The following HEMK2 variants were observed in gnomAD, a reference collection of about 807,000 sequenced individuals.
HEMK2 encodes methyltransferase HEMK2.
the HEMK2 span, among the ~76,000 whole-genome samples, chr21:28,707,133 T>C: frequency 6.6e-6 from 1 of 152,306 alleles, no homozygotes; most frequent in South Asian, 2.1e-4. Context: ...ACATTGAGAA[T>C]GTTTAAATAT....
the HEMK2 span, among the ~76,000 whole-genome samples, chr21:28,638,736 C>T: frequency 6.6e-6 from 1 of 152,150 alleles, no homozygotes; most frequent in Non-Finnish European, 1.5e-5. Flanking sequence ...ATGATCCAGG[C>T]TGGCCTCACG....
chr21:28,780,163 TAGA>T, the HEMK2 span, among the ~76,000 whole-genome samples: 22 of 152,068 alleles, frequency 1.4e-4, no homozygotes, highest in East Asian at 4.3e-3. Context: ...TGGGTGACTT[TAGA>T]AGACTGACCT....
the HEMK2 span, among the ~76,000 whole-genome samples, chr21:28,819,012 TCTTTACCA>T: frequency 6.6e-6 from 1 of 152,222 alleles, no homozygotes; most frequent in Non-Finnish European, 1.5e-5. Context: ...ACATGTCCTG[TCTTTACCA>T]TTTCCAAGCC....
the HEMK2 span, among the ~76,000 whole-genome samples, chr21:28,626,981 A>T: frequency 6.6e-6 from 1 of 152,238 alleles, no homozygotes; most frequent in Non-Finnish European, 1.5e-5. Flanking sequence ...AACTACAAGC[A>T]ATCCAAATGT....
the HEMK2 span, among the ~76,000 whole-genome samples, chr21:28,638,304 G>GT: frequency 1.3e-5 from 2 of 152,178 alleles, no homozygotes; most frequent in Non-Finnish European, 2.9e-5. Context: ...TGAAGGTTAT[G>GT]TAGAGGGTCA....
chr21:28,602,721 TGATA>T, the HEMK2 span, among the ~76,000 whole-genome samples: 3 of 152,164 alleles, frequency 2.0e-5, no homozygotes, highest in Non-Finnish European at 4.4e-5. Flanking sequence ...GCAGTGGAAA[TGATA>T]GATAACAGTT....
At chr21:28,839,000 T>TATATACAC in the HEMK2 span, among the ~76,000 whole-genome samples, 5 of 58,000 alleles carry the variant, frequency 8.6e-5, no homozygotes, top group African/African-American at 3.3e-4. Flanking sequence ...TATATATATA[T>TATATACAC]ACATATATAT....
the HEMK2 span, among the ~76,000 whole-genome samples, chr21:28,868,769 A>G: frequency 6.6e-6 from 1 of 152,226 alleles, no homozygotes; most frequent in East Asian, 1.9e-4. Context: ...TATCATTTTT[A>G]GTCGTATTAT....
chr21:28,876,456 G>A, the HEMK2 span: 1 of 1,608,314 alleles, frequency 6.2e-7, no homozygotes, highest in Middle Eastern at 1.7e-4. Context: ...GTGGTTCCTT[G>A]CAGACCTTTT....
the HEMK2 span, among the ~76,000 whole-genome samples, chr21:28,845,258 A>G: frequency 6.6e-6 from 1 of 152,142 alleles, no homozygotes; most frequent in Non-Finnish European, 1.5e-5. Context: ...TTGGAAATAT[A>G]TTAAACTCAT....
chr21:28,653,514 C>T, the HEMK2 span, among the ~76,000 whole-genome samples: 1 of 152,136 alleles, frequency 6.6e-6, no homozygotes, highest in African/African-American at 2.4e-5. Flanking sequence ...CTAATGTCTT[C>T]TTTTCATTCC....
the HEMK2 span, among the ~76,000 whole-genome samples, chr21:28,617,664 T>C: frequency 6.7e-6 from 1 of 148,720 alleles, no homozygotes; most frequent in Non-Finnish European, 1.5e-5. Flanking sequence ...GCACTTTGTG[T>C]TCAGTGCCTG....
At chr21:28,757,577 T>C in the HEMK2 span, among the ~76,000 whole-genome samples, 1 of 152,222 alleles carries the variant, frequency 6.6e-6, no homozygotes, top group Non-Finnish European at 1.5e-5. Context: ...TTTAACTTTG[T>C]TGTTTAAATT....
the HEMK2 span, among the ~76,000 whole-genome samples, chr21:28,693,382 T>G: frequency 5.9e-5 from 9 of 152,166 alleles, no homozygotes; most frequent in Non-Finnish European, 8.8e-5. Context: ...AATGTCATCA[T>G]AGTAATAAGG....
the HEMK2 span, among the ~76,000 whole-genome samples, chr21:28,608,995 G>C: frequency 6.6e-6 from 1 of 152,070 alleles, no homozygotes; most frequent in African/African-American, 2.4e-5. Flanking sequence ...AAAGACAAAG[G>C]ACATAATCTC....
At chr21:28,713,886 T>C in the HEMK2 span, among the ~76,000 whole-genome samples, 2 of 152,248 alleles carry the variant, frequency 1.3e-5, no homozygotes, top group African/African-American at 4.8e-5. Flanking sequence ...ATGGCCAATA[T>C]GTACATATGC....
chr21:28,770,252 G>A, the HEMK2 span, among the ~76,000 whole-genome samples: 6 of 152,116 alleles, frequency 3.9e-5, no homozygotes, highest in African/African-American at 1.2e-4. Context: ...ACAGGTCACC[G>A]TGTTAAGAGT....
chr21:28,788,273 C>CAT, the HEMK2 span, among the ~76,000 whole-genome samples: 3 of 119,072 alleles, frequency 2.5e-5, no homozygotes, highest in Non-Finnish European at 4.7e-5. Context: ...TATATTCCAT[C>CAT]ATATATACAC....
At chr21:28,704,008 C>T in the HEMK2 span, among the ~76,000 whole-genome samples, 6 of 152,160 alleles carry the variant, frequency 3.9e-5, no homozygotes, top group Non-Finnish European at 7.3e-5. Context: ...ACCCATACAA[C>T]ATGTCTGCTC....
Sources: allele counts gnomAD v4.1 joint callset (sites outside exome capture counted in the v4.1 genomes callset), GRCh38; gene constraint gnomAD v4.1.1; transcripts MANE v1.5; gene names NCBI Gene and HGNC (gene_info 2026-07-23, HGNC 2026-07-21).